TMTC1: variants seen among roughly 807,000 people sequenced by gnomAD.
TMTC1 encodes the protein protein O-mannosyl-transferase TMTC1.
Under a neutral mutation model 104.8 loss-of-function variants are expected in TMTC1, and 73 were observed. The ratio of observed to expected loss-of-function variants is 0.70; its 90% CI spans 0.58 to 0.85. The LOEUF is 0.85. Ranked by LOEUF, TMTC1 falls within the 40% of genes least tolerant of loss-of-function variation. TMTC1 has a pLI of 0.00. For synonymous variants in TMTC1, 434 were observed against 428.7 expected, an observed-to-expected ratio of 1.01 and a Z score of -0.15; for missense variants, 1,035 against 1,096.1, an observed-to-expected ratio of 0.94 and a Z score of 0.79.
At chr12:29,712,974 G>A (rs1398585293) in intron 5 of TMTC1, among the ~76,000 whole-genome samples, 10 of 152,060 alleles carry the variant, frequency 6.6e-5, no homozygotes, top group African/African-American at 2.4e-4. Flanking sequence ...TTGCTATGAA[G>A]GTATTTTTTT....
intron 10 of TMTC1, among the ~76,000 whole-genome samples, chr12:29,543,263 G>A (rs151098512): frequency 6.6e-6 from 1 of 152,320 alleles, no homozygotes; most frequent in East Asian, 1.9e-4. Context: ...GTCAGTGACA[G>A]ATATTTAGCA....
chr12:29,730,597 C>G (rs1054982491), intron 5 of TMTC1, among the ~76,000 whole-genome samples: 1 of 152,192 alleles, frequency 6.6e-6, no homozygotes, highest in Non-Finnish European at 1.5e-5. Context: ...AGAAGGATCA[C>G]CGGATGACAG....
At chr12:29,609,481 C>T (rs1185716469) in intron 6 of TMTC1, among the ~76,000 whole-genome samples, 1 of 152,194 alleles carries the variant, frequency 6.6e-6, no homozygotes, top group Admixed American at 6.5e-5. Flanking sequence ...TGGCACAACA[C>T]CCCTACTGCT....
chr12:29,534,814 C>T (rs1944598388), intron 11 of TMTC1: 1 of 152,034 alleles, frequency 6.6e-6, no homozygotes, highest in African/African-American at 2.4e-5. Flanking sequence ...GCAGAAAGTC[C>T]ATAAACAAAT....
chr12:29,604,433 G>A lies in TMTC1; in HGVS notation c.1129-134C>T, dbSNP rs1946644775. The A allele has an allele frequency of 1.5e-5, 19 of 1,235,526 alleles. No homozygotes were observed. The South Asian group carries it at 2.8e-4, about 18-fold the overall frequency. 76.5% of individuals were successfully genotyped at this position (1,235,526 alleles called of 1,614,324 possible). ...TAGACCAATATAAACCTTTTGACCG[G>A]CGTGCTGAATTTAACAGAGAAAGCT... is the stretch of plus-strand genomic sequence containing the variant. On this transcript the variant is annotated intron_variant, in intron 6 of 17. Transcript: ENST00000539277.
At chr12:29,576,793 T>C (rs1224205767) in intron 8 of TMTC1, among the ~76,000 whole-genome samples, 1 of 151,940 alleles carries the variant, frequency 6.6e-6, no homozygotes, top group Non-Finnish European at 1.5e-5. Context: ...TTACTATTAA[T>C]ACAAAAAAGA....
chr12:29,774,961 G>C (rs1381707273), intron 1 of TMTC1, among the ~76,000 whole-genome samples: 1 of 152,146 alleles, frequency 6.6e-6, no homozygotes, highest in East Asian at 1.9e-4. Flanking sequence ...CTATGAGGAA[G>C]CTGCCCCACA....
At chr12:29,737,993 T>G (rs1026649870) in intron 5 of TMTC1, among the ~76,000 whole-genome samples, 10 of 152,178 alleles carry the variant, frequency 6.6e-5, no homozygotes. Flanking sequence ...GGCAACTTAT[T>G]ATCCACTCCC....
intron 7 of TMTC1, among the ~76,000 whole-genome samples, chr12:29,589,914 T>A (rs1034308990): frequency 5.9e-5 from 9 of 152,198 alleles, no homozygotes; most frequent in African/African-American, 1.9e-4. Context: ...AACTAAAGCT[T>A]AAAAGAGTTG....
At chr12:29,727,782 A>AGTTTTTTGTT (rs150215573) in intron 5 of TMTC1, among the ~76,000 whole-genome samples, 8,169 of 151,270 alleles carry the variant, frequency 0.054, 308 homozygotes, top group African/African-American at 0.11. Context: ...AATTTGTAGC[A>AGTTTTTTGTT]GTTTTTTGTT....
intron 5 of TMTC1, 132 bp from the exon 6 acceptor site, chr12:29,633,468 G>A: frequency 1.4e-6 from 1 of 737,696 alleles, no homozygotes; most frequent in South Asian, 2.4e-5. Context: ...GACAAGGGAA[G>A]ATGGAAAGCC....
intron 6 of TMTC1, among the ~76,000 whole-genome samples, chr12:29,612,518 A>G (rs1366308738): frequency 6.6e-6 from 1 of 152,132 alleles, no homozygotes; most frequent in African/African-American, 2.4e-5. Flanking sequence ...GGGTTCAAGC[A>G]ATTTTCCCAT....
At chr12:29,710,793 T>C (rs1242692490) in intron 5 of TMTC1, among the ~76,000 whole-genome samples, 2 of 108,616 alleles carry the variant, frequency 1.8e-5, no homozygotes, top group Non-Finnish European at 3.6e-5. Flanking sequence ...AATATATTAA[T>C]ACATAATGTA....
Position 29,572,177 on chromosome 12 carries a change from T to C in TMTC1, c.1460A>G (p.Tyr487Cys), listed in dbSNP as rs1945696925. 8.1e-6 allele frequency: 13 copies of C among 1,614,036 alleles called. No individual in the cohort carries two copies. Among genetic ancestry groups the C allele is most frequent in the Non-Finnish European group, 1.1e-5 (13 of 1,179,880 alleles). ...QTLPHNAKVHYNYANFLKDQG... is the reference protein window; with the variant it reads ...QTLPHNAKVHCNYANFLKDQG... ...GTCCTTCAGGAAATTGGCATAGTTGTAGTGAACCTTGGCATTGTGGGGCAG... is the reference window on the plus strand; with the variant it reads ...GTCCTTCAGGAAATTGGCATAGTTGCAGTGAACCTTGGCATTGTGGGGCAG... Residue 487 changes from tyrosine (Y) to cysteine (C), a missense_variant, in exon 9 of 18, where the codon TAC becomes TGC. Transcript: ENST00000539277.
intron 5 of TMTC1, among the ~76,000 whole-genome samples, chr12:29,709,090 G>A (rs1192426333): frequency 1.3e-5 from 2 of 152,028 alleles, no homozygotes; most frequent in East Asian, 3.8e-4. Context: ...GTTTATTTTT[G>A]CACTATATAT....
Position 29,518,558 on chromosome 12 carries a change from G to T in TMTC1, c.1938C>A (p.Ser646Arg), listed in dbSNP as rs776070366. 1.2e-6 allele frequency: 2 copies of T among 1,614,102 alleles called. No homozygotes were observed. Among genetic ancestry groups the T allele is most frequent in the African/African-American group, 1.3e-5 (1 of 75,030 alleles). ...TCACCATGGCCACGTGATGACTGGGGCTAAGTTTGATGGCCTGCTGGTAAT... is the reference window on the plus strand; with the variant it reads ...TCACCATGGCCACGTGATGACTGGGTCTAAGTTTGATGGCCTGCTGGTAAT... Reference protein sequence around the residue: ...VAHYQQAIKLSPSHHVAMVNL... With the variant: ...VAHYQQAIKLRPSHHVAMVNL... Residue 646 changes from serine (S) to arginine (R), a missense_variant, in exon 13 of 18, where the codon AGC (serine) becomes AGA (arginine). Physicochemically the swap from Ser to Arg is moderately radical, Grantham distance 110. Transcript: ENST00000539277.
At chr12:29,527,418 G>A (rs1295263115) in intron 11 of TMTC1, among the ~76,000 whole-genome samples, 1 of 152,212 alleles carries the variant, frequency 6.6e-6, no homozygotes, top group Non-Finnish European at 1.5e-5. Flanking sequence ...TAATGTAGCT[G>A]TGGGAGGAGA....
chr12:29,606,112 T>C (rs996746888), intron 6 of TMTC1, among the ~76,000 whole-genome samples: 7 of 152,246 alleles, frequency 4.6e-5, no homozygotes, highest in Non-Finnish European at 8.8e-5. Flanking sequence ...CAATCCACTG[T>C]TGACGAGTAT....
intron 7 of TMTC1, among the ~76,000 whole-genome samples, chr12:29,591,229 G>A (rs990794961): frequency 2.6e-5 from 4 of 151,754 alleles, no homozygotes; most frequent in African/African-American, 9.7e-5. Flanking sequence ...TTCAACATCT[G>A]CTTGAATGCA....
Sources: gnomAD v4.1 joint callset for allele counts (sites outside exome capture counted in the v4.1 genomes callset) on GRCh38, gnomAD v4.1.1 for gene constraint, MANE v1.5 for transcripts, NCBI Gene and HGNC (gene_info 2026-07-23, HGNC 2026-07-21) for gene names.